PRDM2: variants seen among roughly 807,000 people sequenced by gnomAD.
PRDM2 encodes the protein PR/SET domain 2, also known as PR domain zinc finger protein 2.
PRDM2 carries 30 observed loss-of-function variants against 130.0 expected under a neutral mutation model. The ratio of observed to expected loss-of-function variants is 0.23; its 90% CI spans 0.17 to 0.31. The LOEUF is 0.31. PRDM2 is among the 10% of genes least tolerant of loss of function. The pLI is 1.00. For missense variants in PRDM2, 2,011 were observed against 2,108.4 expected (o/e 0.95, Z 0.90); for synonymous variants, 871 against 782.4 (o/e 1.11, Z -1.89).
At chr1:13,802,236 G>A (rs1645019440) in intron 8 of PRDM2, among the ~76,000 whole-genome samples, 1 of 152,204 alleles carries the variant, frequency 6.6e-6, no homozygotes, top group African/African-American at 2.4e-5. Flanking sequence ...CAGGCACCAA[G>A]TGAGCGTGCC....
chr1:13,725,920 A>G (rs1642900024), intron 2 of PRDM2, among the ~76,000 whole-genome samples: 1 of 152,176 alleles, frequency 6.6e-6, no homozygotes, highest in African/African-American at 2.4e-5. Context: ...CACTACTTCA[A>G]AACTATGTAG....
intron 8 of PRDM2, among the ~76,000 whole-genome samples, chr1:13,794,731 T>G (rs1424148578): frequency 6.6e-6 from 1 of 152,198 alleles, no homozygotes; most frequent in African/African-American, 2.4e-5. Flanking sequence ...CTGACTGATG[T>G]CCTCTCTAAT....
rs369573189 is a variant in PRDM2, at chr1:13,780,933, C to T, written c.3138C>T (p.Pro1046=). ...AGCCCCTGATGTCTGCCGCCTCACCCGGGCCTCCAACACTTTCTTCTTCCT... is the reference window on the plus strand; with the variant it reads ...AGCCCCTGATGTCTGCCGCCTCACCTGGGCCTCCAACACTTTCTTCTTCCT... ...PVEPLMSAAS[P]GPPTLSSSSS... Residue 1046 remains proline (P), a synonymous_variant, in exon 8 of 10, where the codon CCC becomes CCT. Transcript: ENST00000311066. The T allele has an allele frequency of 1.8e-5, 29 of 1,612,176 alleles. No individual in the cohort carries two copies. The highest frequency in any genetic ancestry group is 1.3e-4 in the East Asian group (6 of 44,880).
intron 2 of PRDM2, among the ~76,000 whole-genome samples, chr1:13,722,668 C>T (rs1383147114): frequency 6.6e-6 from 1 of 152,132 alleles, no homozygotes; most frequent in African/African-American, 2.4e-5. Context: ...CCTTCTCCTG[C>T]TTACCAATCC....
intron 5 of PRDM2, among the ~76,000 whole-genome samples, chr1:13,742,678 C>T (rs759456445): frequency 6.6e-6 from 1 of 152,242 alleles, no homozygotes; most frequent in Admixed American, 6.5e-5. Flanking sequence ...TAATTACACA[C>T]TGCATCTTGA....
At position 13,816,567 on chromosome 1, in the gene PRDM2, A is replaced by T. The variant is rs374193282; in HGVS notation, c.*20A>T. 5.6e-6 allele frequency: 9 copies of T among 1,614,058 alleles called. No homozygotes were observed. Among genetic ancestry groups the T allele is most frequent in the Middle Eastern group, 1.7e-4 (1 of 6,060 alleles). ...GAGTAGACACTCTGGCTGCTCCCTG[A>T]CAGGTACGAGGCAGGATGGAACAGC... On this transcript the variant is annotated 3_prime_UTR_variant, in exon 9 of 10. Coordinates refer to ENST00000311066, the MANE Select transcript of PRDM2 (RefSeq NM_001393986.1).
At chr1:13,739,881 A>C (rs979221215) in intron 4 of PRDM2, among the ~76,000 whole-genome samples, 1 of 152,150 alleles carries the variant, frequency 6.6e-6, no homozygotes, top group Non-Finnish European at 1.5e-5. Context: ...ATCTTTAAGA[A>C]ATTTTTTTTG....
intron 5 of PRDM2, among the ~76,000 whole-genome samples, chr1:13,743,136 A>C (rs1018660940): frequency 2.6e-5 from 4 of 152,102 alleles, no homozygotes; most frequent in African/African-American, 9.7e-5. Context: ...GCAGTGGCTC[A>C]CGCCTGTAAT....
At position 13,781,152 on chromosome 1, in the gene PRDM2, T is replaced by C; in HGVS notation, c.3357T>C (p.Ala1119=). The C allele has an allele frequency of 6.2e-7, 1 of 1,614,236 alleles. No homozygotes were observed. Residue 1119 remains alanine, a synonymous_variant, in exon 8 of 10, where the codon GCT becomes GCC. Transcript: ENST00000311066. This position sits in a 1 kb window ranked among gnomAD's most constrained non-coding sequence, Gnocchi z 6.1. ...AACCCAGGGAAGAGCCCCAGTCTGC[T>C]GCTGAACAGGATGTTGTTGTTCAGG... ...GLKPREEPQS[A]AEQDVVVQET...
At chr1:13,821,769 C>T (rs781259220) in intron 9 of PRDM2, among the ~76,000 whole-genome samples, 7 of 152,120 alleles carry the variant, frequency 4.6e-5, no homozygotes, top group Non-Finnish European at 7.3e-5. Context: ...GCCCAGCCTG[C>T]AGTGAACATT....
At chr1:13,750,204 A>G (rs1643777967) in intron 6 of PRDM2, among the ~76,000 whole-genome samples, 1 of 152,232 alleles carries the variant, frequency 6.6e-6, no homozygotes, top group East Asian at 1.9e-4. Context: ...CTGGGTAGGA[A>G]AATAGTTTGG....
At chr1:13,800,525 G>T (rs11803035) in intron 8 of PRDM2, among the ~76,000 whole-genome samples, 7 of 152,078 alleles carry the variant, frequency 4.6e-5, no homozygotes, top group African/African-American at 7.2e-5. Flanking sequence ...GAGGGGAGAC[G>T]GTGAGCAGCA....
chr1:13,787,895 G>A (rs1644773775), intron 8 of PRDM2: 2 of 984,430 alleles, frequency 2.0e-6, no homozygotes, highest in South Asian at 9.4e-5. Context: ...GAGAGAGAGA[G>A]GTTAATTATA....
At chr1:13,797,865 T>C (rs996023031) in intron 8 of PRDM2, among the ~76,000 whole-genome samples, 7 of 152,254 alleles carry the variant, frequency 4.6e-5, no homozygotes, top group African/African-American at 1.7e-4. Flanking sequence ...ATTATTACTT[T>C]TTTTAATGAC....
rs75731619 is a variant in PRDM2 at position 13,788,625 on chromosome 1, C to T, written c.5036+5794C>T. 9.6e-3 allele frequency among the ~76,000 whole-genome samples: 1,458 copies of T among 152,228 alleles called. 7 individuals are homozygous for T. The highest frequency in any genetic ancestry group is 0.014 in the Non-Finnish European group (959 of 68,026). Reference sequence around the variant, plus strand: ...TCCCTTGGCCAGATGTTCTGGCATACGATATTCCTCCCTTAGAAAAACACG... The same window carrying T: ...TCCCTTGGCCAGATGTTCTGGCATATGATATTCCTCCCTTAGAAAAACACG... On this transcript the variant is annotated intron_variant, in intron 8 of 9. Coordinates refer to ENST00000311066, the MANE Select transcript of PRDM2 (RefSeq NM_001393986.1).
chr1:13,768,170 C>T (rs1338479130), intron 6 of PRDM2, among the ~76,000 whole-genome samples: 12 of 151,010 alleles, frequency 7.9e-5, no homozygotes, highest in African/African-American at 2.0e-4. Context: ...CTCCACCTCC[C>T]GGGTTCACGC....
intron 6 of PRDM2, among the ~76,000 whole-genome samples, chr1:13,753,068 G>GT (rs1385875752): frequency 6.6e-6 from 1 of 152,198 alleles, no homozygotes; most frequent in Non-Finnish European, 1.5e-5. Context: ...GAGCACCTGT[G>GT]TAAGCCCAAA....
intron 4 of PRDM2, among the ~76,000 whole-genome samples, chr1:13,741,623 A>G (rs534199300): frequency 2.8e-4 from 42 of 152,134 alleles, no homozygotes; most frequent in Non-Finnish European, 5.7e-4. Flanking sequence ...TTTCCTTTCT[A>G]AGTCACACTT....
At chr1:13,784,774 T>G (rs1176225160) in intron 8 of PRDM2, among the ~76,000 whole-genome samples, 6 of 152,188 alleles carry the variant, frequency 3.9e-5, no homozygotes, top group Non-Finnish European at 5.9e-5. Flanking sequence ...AAGAAAACAC[T>G]GGTATTGTCC....
Sources: allele counts gnomAD v4.1 joint callset (sites outside exome capture counted in the v4.1 genomes callset), GRCh38; gene constraint gnomAD v4.1.1; non-coding constraint Gnocchi (gnomAD v3.1); transcripts MANE v1.5; gene names NCBI Gene and HGNC (gene_info 2026-07-23, HGNC 2026-07-21).